Variants in NR1H3 observed in about 807,000 individuals in gnomAD.
NR1H3 encodes nuclear receptor subfamily 1 group H member 3, also known as oxysterols receptor LXR-alpha.
In NR1H3, 19 loss-of-function variants were observed where a neutral mutation model predicts 48.1. The ratio of observed to expected loss-of-function variants is 0.40; its 90% CI spans 0.28 to 0.58. NR1H3 has a LOEUF of 0.58. NR1H3 is among the 20% of genes least tolerant of loss of function. NR1H3 has a pLI of 0.50. For synonymous variants in NR1H3, 232 were observed against 227.3 expected, an observed-to-expected ratio of 1.02 and a Z score of -0.19; for missense variants, 486 against 595.9, an observed-to-expected ratio of 0.82 and a Z score of 1.92.
At chr11:47,255,615 C>CTCTCTT (rs1554981334), upstream of NR1H3, among the ~76,000 whole-genome samples, 240 of 92,942 alleles carry the variant, frequency 2.6e-3, 1 homozygote, top group African/African-American at 3.6e-3. Context: ...CTCTCTCTCT[C>CTCTCTT]TCTTTCTTTC....
chr11:47,253,867 C>T (rs895192695), upstream of NR1H3, among the ~76,000 whole-genome samples: 1 of 152,068 alleles, frequency 6.6e-6, no homozygotes, highest in African/African-American at 2.4e-5. Context: ...CAACTGTGGG[C>T]TGGTGGGACT....
Position 47,267,042 on chromosome 11 carries a change from G to C in NR1H3, c.989-871G>C, listed in dbSNP as rs539556681. 4.6e-5 allele frequency among the ~76,000 whole-genome samples: 7 copies of C among 152,198 alleles called. No homozygotes were observed. In the South Asian group the frequency reaches 1.5e-3, roughly 32 times the overall value. The stretch of plus-strand genomic sequence containing the variant: ...ACAGAATTGGCAGGTGATGGTGTCT[G>C]GTGCCTGTAATCCCAGCACTTTGGG... On this transcript the variant is annotated intron_variant, in intron 7 of 9. Transcript: ENST00000441012.
chr11:47,261,704 T>G lies in NR1H3; in HGVS notation c.866T>G (p.Leu289Arg). Residue 289 changes from leucine to arginine, a missense_variant, in exon 6 of 10, where the codon CTG becomes CGG. By Grantham distance (102) the Leu-to-Arg change is moderately radical. Transcript: ENST00000441012. ...LQLSREDQIALLKTSAIEVML... is the reference protein window; with the variant it reads ...LQLSREDQIARLKTSAIEVML... ...CTCAGCCGGGAGGACCAGATTGCCC[T>G]GCTGAAGACCTCTGCGATCGAGGTG... The G allele has an allele frequency of 6.2e-7, 1 of 1,614,136 alleles. No homozygotes were observed. The highest frequency in any genetic ancestry group is 2.2e-5 in the East Asian group (1 of 44,876).
intron 3 of NR1H3, 45 bp from the exon 4 acceptor site, chr11:47,260,364 T>TG: frequency 6.4e-7 from 1 of 1,567,502 alleles, no homozygotes; most frequent in Admixed American, 1.8e-5. Flanking sequence ...GAGAACATGA[T>TG]GTTTTTCCTC....
chr11:47,268,225 C>G (rs1267639734), intron 8 of NR1H3, 36 bp from the exon 9 acceptor site: 1 of 1,595,624 alleles, frequency 6.3e-7, no homozygotes, highest in Admixed American at 1.7e-5. Flanking sequence ...TGGACCCTGG[C>G]CAGACCTGCT....
upstream of NR1H3, chr11:47,248,599 G>C: frequency 6.4e-7 from 1 of 1,554,668 alleles, no homozygotes; most frequent in Non-Finnish European, 8.7e-7. Flanking sequence ...GTTCCTTCCC[G>C]AGATCCTCGA....
At position 47,268,657 on chromosome 11, in the gene NR1H3, C is replaced by G. The variant is rs139105594; in HGVS notation, c.1305C>G (p.Leu435=). 301 of 1,614,124 alleles carry G rather than the reference C, an allele frequency of 1.9e-4. 1 individual carries two copies. In the African/African-American group the frequency reaches 3.3e-3, roughly 18 times the overall value. ...VFALRLQDKK[L]PPLLSEIWDV... ...CACTGCGTCTGCAGGACAAAAAGCT[C>G]CCACCGCTGCTCTCTGAGATCTGGG... is the stretch of plus-strand genomic sequence containing the variant. Residue 435 remains leucine, a synonymous_variant, in exon 10 of 10, where the codon CTC becomes CTG. Coordinates refer to ENST00000441012, the MANE Select transcript of NR1H3 (RefSeq NM_005693.4).
chr11:47,262,397 C>T (rs1955991688), intron 7 of NR1H3, among the ~76,000 whole-genome samples: 1 of 150,356 alleles, frequency 6.7e-6, no homozygotes, highest in African/African-American at 2.4e-5. Context: ...TAGAGTCTTA[C>T]TATGTTGCCC....
At chr11:47,252,068 G>GAAAAAAAAAAAAAAAAA (rs77344433) in intron 1 of NR1H3, among the ~76,000 whole-genome samples, 2 of 128,632 alleles carry the variant, frequency 1.6e-5, no homozygotes, top group Non-Finnish European at 1.7e-5. Context: ...AAAAAAAAAA[G>GAAAAAAAAAAAAAAAAA]AAAAAAAAAA....
Position 47,261,223 on chromosome 11 carries a change from A to C in NR1H3, c.500-18A>C. 1.9e-6 allele frequency: 3 copies of C among 1,558,762 alleles called. No individual in the cohort carries two copies. The highest frequency in any genetic ancestry group is 2.6e-6 in the Non-Finnish European group (3 of 1,158,760). On this transcript the variant is annotated intron_variant, in intron 4 of 9. Coordinates refer to ENST00000441012, the MANE Select transcript of NR1H3 (RefSeq NM_005693.4). Reference sequence around the variant, plus strand: ...TTTCCCCATCTGCTCCCTTCCTCATATTTGGCCCTGTCCTTAGGTGTCCTG... The same window carrying C: ...TTTCCCCATCTGCTCCCTTCCTCATCTTTGGCCCTGTCCTTAGGTGTCCTG...
At chr11:47,267,187 G>A (rs1249392435) in intron 7 of NR1H3, among the ~76,000 whole-genome samples, 2 of 152,002 alleles carry the variant, frequency 1.3e-5, no homozygotes, top group African/African-American at 4.8e-5. Flanking sequence ...TGCACCTGTA[G>A]TCCCAGCTAC....
At chr11:47,261,852 C>T (rs1218841836) in intron 6 of NR1H3, 67 bp from the exon 7 acceptor site, 11 of 1,589,786 alleles carry the variant, frequency 6.9e-6, no homozygotes, top group South Asian at 2.2e-5. Flanking sequence ...ATCGGCCTCC[C>T]TGGAAGAGGC....
rs1957584402 is a variant in NR1H3 at position 47,268,588 on chromosome 11, G to A, written c.1236G>A (p.Val412=). The change falls in exon 10 of 10, where the codon GTG becomes GTA. Residue 412 remains valine (V), a synonymous_variant. Coordinates refer to ENST00000441012, the MANE Select transcript of NR1H3 (RefSeq NM_005693.4). ...TCCCACGGATGCTAATGAAACTGGT[G>A]AGCCTCCGGACCCTGAGCAGCGTCC... The part of the protein sequence containing the change: ...LMFPRMLMKL[V]SLRTLSSVHS... The A allele has an allele frequency of 1.4e-5, 23 of 1,614,198 alleles. No homozygotes were observed. Among genetic ancestry groups the A allele is most frequent in the Non-Finnish European group, 1.9e-5 (23 of 1,180,044 alleles).
Position 47,268,531 on chromosome 11 carries a change from G to C in NR1H3, c.1198-19G>C, listed in dbSNP as rs921665002. The C allele has an allele frequency of 6.2e-7, 1 of 1,614,106 alleles. No homozygotes were observed. The highest frequency in any genetic ancestry group is 1.1e-5 in the South Asian group (1 of 91,074). ...CTGGGGACAGGCAAAAGCTGTGTTT[G>C]TCTCTCTCCTTTCCCCAGGACCGAC... On this transcript the variant is annotated intron_variant, in intron 9 of 9. Coordinates refer to ENST00000441012, the MANE Select transcript of NR1H3 (RefSeq NM_005693.4).
intron 4 of NR1H3, 131 bp downstream of exon 4, chr11:47,260,806 C>T (rs774814751): frequency 1.2e-4 from 153 of 1,236,750 alleles, no homozygotes; most frequent in East Asian, 4.6e-4. Context: ...CTTTCTTGAC[C>T]GGGCGCGGTG....
At chr11:47,253,432 AG>A (rs1475812906), upstream of NR1H3, among the ~76,000 whole-genome samples, 1 of 152,206 alleles carries the variant, frequency 6.6e-6, no homozygotes, top group Non-Finnish European at 1.5e-5. Context: ...CTCTGAACTC[AG>A]GTCTGGGAAT....
chr11:47,255,973 C>G (rs1955136080), upstream of NR1H3, among the ~76,000 whole-genome samples: 1 of 150,500 alleles, frequency 6.6e-6, no homozygotes, highest in African/African-American at 2.4e-5. Flanking sequence ...CCTGCATGAT[C>G]TGTAGTTTCA....
At chr11:47,251,016 G>A (rs1185173996) in intron 1 of NR1H3, among the ~76,000 whole-genome samples, 1 of 151,998 alleles carries the variant, frequency 6.6e-6, no homozygotes. Flanking sequence ...AAAGTTAGCC[G>A]GGTGTGGTGG....
chr11:47,267,670 G>A (rs1311118524), intron 7 of NR1H3, among the ~76,000 whole-genome samples: 2 of 152,120 alleles, frequency 1.3e-5, no homozygotes, highest in Admixed American at 6.5e-5. Flanking sequence ...CACCACGCCC[G>A]GCTAGTTTTT....
Sources: gnomAD v4.1 joint callset for allele counts (sites outside exome capture counted in the v4.1 genomes callset) on GRCh38, gnomAD v4.1.1 for gene constraint, MANE v1.5 for transcripts, NCBI Gene and HGNC (gene_info 2026-07-23, HGNC 2026-07-21) for gene names.